Variants in PTPN3 observed in about 807,000 individuals in gnomAD.
The protein encoded by PTPN3 is protein tyrosine phosphatase non-receptor type 3.
In PTPN3, 96 loss-of-function variants were observed where a neutral mutation model predicts 132.7. The ratio of observed to expected loss-of-function variants is 0.72; its 90% CI spans 0.61 to 0.86. PTPN3 has a LOEUF of 0.86. Ranked by LOEUF, PTPN3 falls within the 40% of genes least tolerant of loss-of-function variation. The probability of loss-of-function intolerance (pLI) is 0.00; values close to 1 mark genes in which losing one functional copy is unlikely to be tolerated. For missense variants in PTPN3, 1,125 were observed against 1,159.6 expected (o/e 0.97, Z 0.43); for synonymous variants, 398 against 429.0 (o/e 0.93, Z 0.89).
chr9:109,427,847 T>C (rs759940913), intron 11 of PTPN3, among the ~76,000 whole-genome samples: 2 of 152,186 alleles, frequency 1.3e-5, no homozygotes, highest in Non-Finnish European at 2.9e-5. Flanking sequence ...GTGAAAATCA[T>C]GCAGCATAAA....
At chr9:109,509,012 A>G in the PTPN3 span, among the ~76,000 whole-genome samples, 3 of 152,156 alleles carry the variant, frequency 2.0e-5, no homozygotes, top group African/African-American at 7.2e-5. Flanking sequence ...TGGGTAACAT[A>G]GTGAGACCCC....
intron 14 of PTPN3, among the ~76,000 whole-genome samples, chr9:109,415,612 A>G (rs1192789567): frequency 1.3e-5 from 2 of 152,194 alleles, no homozygotes; most frequent in African/African-American, 2.4e-5. Flanking sequence ...CGATTTGGAT[A>G]TGACTGAGCT....
intron 12 of PTPN3, among the ~76,000 whole-genome samples, chr9:109,423,550 G>A (rs1041091443): frequency 6.6e-6 from 1 of 152,142 alleles, no homozygotes; most frequent in Non-Finnish European, 1.5e-5. Context: ...AGGTTGCAGC[G>A]AGCCAAGATC....
At chr9:109,484,401 T>C (rs1037778559) in intron 1 of PTPN3, among the ~76,000 whole-genome samples, 7 of 152,156 alleles carry the variant, frequency 4.6e-5, no homozygotes, top group African/African-American at 1.7e-4. Flanking sequence ...GGCCCGGTGA[T>C]GGTCCCAGGC....
chr9:109,449,711 A>G (rs1007195744), intron 5 of PTPN3: 1 of 985,350 alleles, frequency 1.0e-6, no homozygotes, highest in African/African-American at 1.7e-5. Context: ...TAGACATTCC[A>G]TTGTCTGGCC....
At chr9:109,534,632 C>CAAAAAAAAAAAAAAAAA in the PTPN3 span, among the ~76,000 whole-genome samples, 2 of 108,752 alleles carry the variant, frequency 1.8e-5, no homozygotes, top group African/African-American at 7.3e-5. Flanking sequence ...CAAAAAAATA[C>CAAAAAAAAAAAAAAAAA]AAAAAAAAAA....
chr9:109,487,698 G>C (rs564744563), intron 1 of PTPN3, among the ~76,000 whole-genome samples: 20 of 152,240 alleles, frequency 1.3e-4, no homozygotes, highest in African/African-American at 3.9e-4. Flanking sequence ...TCTACATAGA[G>C]AAACTCAGCA....
rs149641144 is a variant in PTPN3 at position 109,376,183 on chromosome 9, C to T, written c.*3373G>A. 4 of 152,274 alleles carry T rather than the reference C, an allele frequency of 2.6e-5. No homozygotes were observed. The highest frequency in any genetic ancestry group is 2.6e-4 in the Admixed American group (4 of 15,286). The allele number at this position is 152,274 out of a possible 1,614,324, so 9.4% of individuals were successfully genotyped here. On this transcript the variant is annotated 3_prime_UTR_variant, in exon 26 of 26. Coordinates refer to ENST00000374541, the MANE Select transcript of PTPN3 (RefSeq NM_002829.4). The stretch of plus-strand genomic sequence containing the variant: ...AATCTTGACCTCATCTAGTCCAGCC[C>T]AACCTTCCCTTTTTACATATAAGAA...
intron 18 of PTPN3, among the ~76,000 whole-genome samples, chr9:109,405,764 T>C (rs2131727892): frequency 6.6e-6 from 1 of 152,348 alleles, no homozygotes; most frequent in African/African-American, 2.4e-5. Flanking sequence ...TATTGTATTT[T>C]TAGCAGAGAT....
the PTPN3 span, among the ~76,000 whole-genome samples, chr9:109,531,155 T>C: frequency 6.6e-6 from 1 of 152,248 alleles, no homozygotes; most frequent in Non-Finnish European, 1.5e-5. Flanking sequence ...TCCAATGTCA[T>C]GAAGCTTTTC....
chr9:109,405,225 C>CA (rs1841466690), intron 18 of PTPN3, among the ~76,000 whole-genome samples: 1 of 152,166 alleles, frequency 6.6e-6, no homozygotes, highest in Admixed American at 6.5e-5. Context: ...ACCACCCCCC[C>CA]ACAACTCCCA....
chr9:109,519,576 A>T, the PTPN3 span, among the ~76,000 whole-genome samples: 1 of 152,144 alleles, frequency 6.6e-6, no homozygotes, highest in Non-Finnish European at 1.5e-5. Context: ...TCAAGGTCAC[A>T]TAGCCTGTAA....
intron 14 of PTPN3, among the ~76,000 whole-genome samples, chr9:109,411,501 A>T (rs947482): frequency 0.24 from 36,704 of 151,964 alleles, 4,742 homozygotes; most frequent in Non-Finnish European, 0.29. Flanking sequence ...CCCCTTCCGG[A>T]GCCACAGGCC....
At chr9:109,493,146 T>C (rs1186059818) in intron 1 of PTPN3, among the ~76,000 whole-genome samples, 1 of 152,214 alleles carries the variant, frequency 6.6e-6, no homozygotes, top group Non-Finnish European at 1.5e-5. Flanking sequence ...TTCACGCCTG[T>C]GATTCCAGCA....
intron 17 of PTPN3, among the ~76,000 whole-genome samples, chr9:109,406,983 G>C (rs903162243): frequency 1.3e-5 from 2 of 152,204 alleles, no homozygotes; most frequent in South Asian, 2.1e-4. Context: ...CTAGAGGTGA[G>C]TATTTATCTG....
chr9:109,536,990 C>T, the PTPN3 span, among the ~76,000 whole-genome samples: 6 of 151,728 alleles, frequency 4.0e-5, no homozygotes, highest in Non-Finnish European at 8.8e-5. Flanking sequence ...TTGGAGTGTG[C>T]GTTTGAGGGA....
intron 1 of PTPN3, among the ~76,000 whole-genome samples, chr9:109,495,092 C>T (rs1001582566): frequency 3.3e-5 from 5 of 152,158 alleles, no homozygotes; most frequent in Non-Finnish European, 2.9e-5. Context: ...CACCTGGACC[C>T]AGCCAAGAGC....
At position 109,466,855 on chromosome 9, in the gene PTPN3, CA is replaced by C. The variant is rs201763766; in HGVS notation, c.-17-3405del. 7.0e-3 allele frequency among the ~76,000 whole-genome samples: 1,071 copies of C among 152,272 alleles called. 54 individuals carry two copies. The highest frequency in any genetic ancestry group is 0.065 in the Admixed American group (998 of 15,294). On this transcript the variant is annotated intron_variant, in intron 1 of 25. Coordinates refer to ENST00000374541, the MANE Select transcript of PTPN3 (RefSeq NM_002829.4). The stretch of plus-strand genomic sequence containing the variant: ...CTAAGAAACAAGCTTCAGGGAATGA[CA>C]GGGGGCACCGGTTAGGTGTAGAAAG...
upstream of PTPN3, among the ~76,000 whole-genome samples, chr9:109,500,907 G>A (rs761579131): frequency 1.1e-4 from 16 of 143,944 alleles, no homozygotes; most frequent in Admixed American, 4.4e-4. Context: ...CAGCCTGTAT[G>A]ACAGAGCGAG....
Sources: gnomAD v4.1 joint callset for allele counts (sites outside exome capture counted in the v4.1 genomes callset) on GRCh38, gnomAD v4.1.1 for gene constraint, MANE v1.5 for transcripts, NCBI Gene and HGNC (gene_info 2026-07-23, HGNC 2026-07-21) for gene names.